Variants in SHANK2 observed in about 807,000 individuals in gnomAD.
The protein encoded by SHANK2 is SH3 and multiple ankyrin repeat domains 2, also known as SH3 and multiple ankyrin repeat domains protein 2.
SHANK2 carries 43 observed loss-of-function variants against 133.7 expected under a neutral mutation model. The observed-to-expected ratio is 0.32, with a 90% CI of 0.25 to 0.41. The LOEUF is 0.41. Ranked by LOEUF, SHANK2 falls within the 10% of genes least tolerant of loss-of-function variation. SHANK2 has a pLI of 1.00. For synonymous variants in SHANK2, 1,017 were observed against 952.8 expected (o/e 1.07, Z -1.24); for missense variants, 1,994 against 2,235.8 (o/e 0.89, Z 2.18).
At chr11:70,917,450 A>G (rs541502341) in intron 10 of SHANK2, among the ~76,000 whole-genome samples, 2 of 152,338 alleles carry the variant, frequency 1.3e-5, no homozygotes, top group African/African-American at 4.8e-5. Context: ...CAGTGTGGAG[A>G]TTCTTCAAAG....
At chr11:70,624,810 C>A (rs2060882423) in intron 17 of SHANK2, among the ~76,000 whole-genome samples, 1 of 152,218 alleles carries the variant, frequency 6.6e-6, no homozygotes, top group Admixed American at 6.5e-5. Flanking sequence ...CCTGGGGCAA[C>A]ACTGTCCCAG....
chr11:70,503,339 C>T (rs180918068), intron 17 of SHANK2, among the ~76,000 whole-genome samples: 200 of 152,308 alleles, frequency 1.3e-3, no homozygotes, highest in Admixed American at 2.3e-3. Context: ...GGCTGGGCTG[C>T]AGTGCCAGGC....
intron 10 of SHANK2, among the ~76,000 whole-genome samples, chr11:70,938,886 C>T (rs781819989): frequency 9.2e-5 from 14 of 152,180 alleles, no homozygotes; most frequent in Admixed American, 3.9e-4. Flanking sequence ...CCCTTCTTAG[C>T]GGGGCAGCTG....
chr11:71,073,147 C>CTGTTTTTTTTTTTTTT, intron 9 of SHANK2, among the ~76,000 whole-genome samples: 1 of 62,758 alleles, frequency 1.6e-5, no homozygotes, highest in Non-Finnish European at 3.9e-5. Context: ...TTTTTCTTTT[C>CTGTTTTTTTTTTTTTT]TTTTTTTTCT....
At chr11:70,559,234 G>A (rs138573296) in intron 17 of SHANK2, among the ~76,000 whole-genome samples, 7,326 of 152,128 alleles carry the variant, frequency 0.048, 246 homozygotes, top group East Asian at 0.1. Context: ...TGGCCAGGCT[G>A]GTCTTGAACT....
At chr11:70,658,569 T>G (rs1400069580) in intron 17 of SHANK2, among the ~76,000 whole-genome samples, 1 of 152,178 alleles carries the variant, frequency 6.6e-6, no homozygotes, top group Admixed American at 6.5e-5. Flanking sequence ...GAGATCAACA[T>G]GAGGCACTCA....
intron 14 of SHANK2, among the ~76,000 whole-genome samples, chr11:70,729,703 AT>A (rs1157075421): frequency 8.9e-4 from 124 of 139,240 alleles, no homozygotes; most frequent in Admixed American, 1.5e-3. Context: ...TTTTTTTTGT[AT>A]TTTTTTTTTT....
chr11:70,867,200 C>T (rs945670005), intron 11 of SHANK2, among the ~76,000 whole-genome samples: 2 of 151,674 alleles, frequency 1.3e-5, no homozygotes, highest in Admixed American at 6.6e-5. Context: ...TTCTAGAATA[C>T]GAAGGTGCCA....
intron 9 of SHANK2, among the ~76,000 whole-genome samples, chr11:71,073,156 C>CTTTTTTT (rs1198101078): frequency 2.0e-4 from 8 of 40,776 alleles, no homozygotes; most frequent in African/African-American, 4.7e-4. Flanking sequence ...TCTTTTTTTT[C>CTTTTTTT]TTTTTTTTCT....
chr11:70,862,587 T>C (rs553844821), intron 11 of SHANK2, among the ~76,000 whole-genome samples: 318 of 148,742 alleles, frequency 2.1e-3, no homozygotes, highest in Non-Finnish European at 3.6e-3. Flanking sequence ...GACGGGCTGA[T>C]GGACTGGACT....
chr11:70,598,069 T>C (rs9667034), intron 17 of SHANK2, among the ~76,000 whole-genome samples: 5,596 of 152,240 alleles, frequency 0.037, 139 homozygotes, highest in East Asian at 0.1. Flanking sequence ...CTCTGGACAC[T>C]CAGGGGTGGA....
chr11:70,622,560 T>A (rs2060844533), intron 17 of SHANK2, among the ~76,000 whole-genome samples: 1 of 152,178 alleles, frequency 6.6e-6, no homozygotes, highest in African/African-American at 2.4e-5. Context: ...TCCGGGGCCC[T>A]CCCTCAGCTC....
intron 17 of SHANK2, among the ~76,000 whole-genome samples, chr11:70,599,120 G>T (rs1554990185): frequency 6.6e-6 from 1 of 151,732 alleles, no homozygotes; most frequent in East Asian, 1.9e-4. Flanking sequence ...ATTAATAAGA[G>T]AATTCAGCAA....
rs782178879 is a variant in SHANK2 at position 70,469,076 on chromosome 11, G to C, written c.*3793C>G. 1 of 152,218 alleles carries C rather than the reference G, an allele frequency of 6.6e-6. No individual in the cohort carries two copies. The highest frequency in any genetic ancestry group is 2.4e-5 in the African/African-American group (1 of 41,434). The allele number at this position is 152,218 out of a possible 1,614,324, so 9.4% of individuals were successfully genotyped here. A position where few individuals can be genotyped will look rare whatever the true frequency, so the allele number is the denominator to read the frequency against. ...TGGGGAGACTGGACCCTAAGGGAAG[G>C]GTCCGGATCTGGCTGGCCCTCCGCG... On this transcript the variant is annotated 3_prime_UTR_variant, in exon 26 of 26. Coordinates refer to ENST00000601538, the MANE Select transcript of SHANK2 (RefSeq NM_012309.5).
Position 70,535,685 on chromosome 11 carries a change from T to C in SHANK2, c.2062-32754A>G, listed in dbSNP as rs1457311241. 6.6e-6 allele frequency among the ~76,000 whole-genome samples: 1 copy of C among 152,182 alleles called. No homozygotes were observed. The highest frequency in any genetic ancestry group is 1.9e-4 in the East Asian group (1 of 5,198). Reference sequence around the variant, plus strand: ...GGCCCCGCCTTTAAGGGCTGCACAGTTGGGCAGGAGGATGGCCACCCAGGG... The same window carrying C: ...GGCCCCGCCTTTAAGGGCTGCACAGCTGGGCAGGAGGATGGCCACCCAGGG... On this transcript the variant is annotated intron_variant, in intron 17 of 25. Transcript: ENST00000601538. The surrounding 1 kb of genome is among the most constrained non-coding windows in gnomAD (Gnocchi z 4.3).
At chr11:70,758,320 C>T (rs920853951) in intron 14 of SHANK2, among the ~76,000 whole-genome samples, 3 of 152,132 alleles carry the variant, frequency 2.0e-5, no homozygotes, top group Non-Finnish European at 2.9e-5. Context: ...TGTTACGGCT[C>T]GAGGTGAGCT....
chr11:70,608,525 A>C (rs1554993208), intron 17 of SHANK2, among the ~76,000 whole-genome samples: 1 of 152,118 alleles, frequency 6.6e-6, no homozygotes. Context: ...CAGCTTCTTC[A>C]TCTGTAAAAT....
chr11:70,954,274 T>C (rs1950885655), intron 10 of SHANK2, among the ~76,000 whole-genome samples: 1 of 151,992 alleles, frequency 6.6e-6, no homozygotes, highest in Non-Finnish European at 1.5e-5. Flanking sequence ...ATTTCGTGGG[T>C]TTCTGAAAAG....
intron 13 of SHANK2, among the ~76,000 whole-genome samples, chr11:70,802,832 C>T (rs1948075508): frequency 6.6e-6 from 1 of 152,186 alleles, no homozygotes; most frequent in African/African-American, 2.4e-5. Flanking sequence ...TTTTTGCTTG[C>T]CAGAATGGGG....
Sources: gnomAD v4.1 joint callset for allele counts (sites outside exome capture counted in the v4.1 genomes callset) on GRCh38, gnomAD v4.1.1 for gene constraint, Gnocchi (gnomAD v3.1) non-coding constraint, MANE v1.5 for transcripts, NCBI Gene and HGNC (gene_info 2026-07-23, HGNC 2026-07-21) for gene names.